The following ELAVL2 variants were observed in gnomAD, a reference collection of about 807,000 sequenced individuals.
ELAVL2 encodes the protein ELAV-like protein 2.
ELAVL2 carries 4 observed loss-of-function variants against 34.6 expected under a neutral mutation model. The observed-to-expected ratio is 0.12, with a 90% CI of 0.06 to 0.26. The LOEUF is 0.26. Ranked by LOEUF, ELAVL2 falls within the 10% of genes least tolerant of loss-of-function variation. ELAVL2 has a pLI of 1.00. For synonymous variants in ELAVL2, 193 were observed against 154.8 expected (o/e 1.25, Z -1.83); for missense variants, 432 against 442.8 (o/e 0.98, Z 0.22).
chr9:23,693,709 G>C (rs116783010), intron 5 of ELAVL2, among the ~76,000 whole-genome samples: 1 of 152,170 alleles, frequency 6.6e-6, no homozygotes, highest in Non-Finnish European at 1.5e-5. Context: ...CAGTACATGG[G>C]ACACAGTGAC....
intron 2 of ELAVL2, among the ~76,000 whole-genome samples, chr9:23,740,348 C>T (rs117864221): frequency 6.6e-6 from 1 of 152,272 alleles, no homozygotes; most frequent in Non-Finnish European, 1.5e-5. Flanking sequence ...GTTGGAGGTT[C>T]AAAGATGCTA....
chr9:23,766,675 A>G (rs1342967570), intron 1 of ELAVL2, among the ~76,000 whole-genome samples: 6 of 152,142 alleles, frequency 3.9e-5, no homozygotes, highest in Non-Finnish European at 2.9e-5. Context: ...CAAGCACCCC[A>G]GACAGTCTTC....
the ELAVL2 span, among the ~76,000 whole-genome samples, chr9:23,845,792 A>T: frequency 6.6e-6 from 1 of 150,636 alleles, no homozygotes; most frequent in Non-Finnish European, 1.5e-5. Flanking sequence ...CTCTGCATTT[A>T]AAAAAAAAGT....
At chr9:23,695,910 T>C (rs770262808) in intron 5 of ELAVL2, among the ~76,000 whole-genome samples, 1 of 152,154 alleles carries the variant, frequency 6.6e-6, no homozygotes, top group Non-Finnish European at 1.5e-5. Flanking sequence ...TCGTTTTCCA[T>C]CCTCCATCTC....
chr9:23,810,464 C>T (rs898814768), intron 1 of ELAVL2, among the ~76,000 whole-genome samples: 2 of 152,166 alleles, frequency 1.3e-5, no homozygotes, highest in African/African-American at 4.8e-5. Context: ...GGGAACCAAA[C>T]AGCCTCTAAA....
chr9:23,800,133 G>A (rs1449965957), intron 1 of ELAVL2, among the ~76,000 whole-genome samples: 1 of 152,148 alleles, frequency 6.6e-6, no homozygotes, highest in African/African-American at 2.4e-5. Context: ...AATGAGAAAA[G>A]AAAGTAGCTA....
the ELAVL2 span, among the ~76,000 whole-genome samples, chr9:23,846,992 T>C: frequency 6.6e-6 from 1 of 152,084 alleles, no homozygotes; most frequent in African/African-American, 2.4e-5. Context: ...AGGTACTCAG[T>C]TTCTAGGTGA....
intron 3 of ELAVL2, among the ~76,000 whole-genome samples, chr9:23,711,991 C>A (rs2041089199): frequency 6.6e-6 from 1 of 152,100 alleles, no homozygotes; most frequent in Non-Finnish European, 1.5e-5. Flanking sequence ...TTAATCATTT[C>A]AAAAATGAAA....
At chr9:23,759,754 TTATATATATATATATATATATATATATA>T (rs774471922) in intron 2 of ELAVL2, among the ~76,000 whole-genome samples, 1 of 81,344 alleles carries the variant, frequency 1.2e-5, no homozygotes, top group African/African-American at 4.3e-5. Context: ...ATATATAGTA[TTATATATATATATATATATATATATATA>T]TATATATAAT....
intron 1 of ELAVL2, among the ~76,000 whole-genome samples, chr9:23,772,948 T>TCC (rs2057561277): frequency 1.3e-5 from 2 of 151,994 alleles, no homozygotes; most frequent in African/African-American, 2.4e-5. Context: ...TGCCTCTTGC[T>TCC]CCCCCAAAGA....
chr9:23,819,236 C>G (rs1371644359), intron 1 of ELAVL2, among the ~76,000 whole-genome samples: 1 of 152,188 alleles, frequency 6.6e-6, no homozygotes, highest in Non-Finnish European at 1.5e-5. Flanking sequence ...CAGCATCATT[C>G]TCCCTTAACC....
chr9:23,729,493 G>A (rs10966050), intron 3 of ELAVL2, among the ~76,000 whole-genome samples: 1,603 of 152,206 alleles, frequency 0.011, 24 homozygotes, highest in African/African-American at 0.036. Flanking sequence ...AGTATGCAGA[G>A]AAATATAGAT....
intron 5 of ELAVL2, among the ~76,000 whole-genome samples, chr9:23,696,763 C>A (rs974584751): frequency 6.6e-6 from 1 of 152,130 alleles, no homozygotes; most frequent in Non-Finnish European, 1.5e-5. Flanking sequence ...AGCCACCACG[C>A]CCAGCCATCT....
chr9:23,707,332 A>G (rs1251182114), intron 3 of ELAVL2, among the ~76,000 whole-genome samples: 1 of 152,226 alleles, frequency 6.6e-6, no homozygotes, highest in African/African-American at 2.4e-5. Flanking sequence ...ATTATCCAGA[A>G]AAGGTGAAAC....
intron 1 of ELAVL2, among the ~76,000 whole-genome samples, chr9:23,771,572 A>G (rs898465877): frequency 5.3e-5 from 8 of 152,170 alleles, no homozygotes; most frequent in Non-Finnish European, 1.2e-4. Context: ...CCAGCTTCTT[A>G]AAGAATCAAC....
At position 23,822,084 on chromosome 9, in the gene ELAVL2, A is replaced by T. The variant is rs1440251027; in HGVS notation, c.-16+3722T>A. Among the ~76,000 whole-genome samples, 3 of 152,086 alleles carry T rather than the reference A, an allele frequency of 2.0e-5. No homozygotes were observed. In the East Asian group the frequency reaches 5.8e-4, roughly 30 times the overall value. Reference sequence around the variant, plus strand: ...TCGGTGGAGAGCGTTGAGCGCCCAGAGGAGGCTGATTCCAGGTGCAAGTTT... The same window carrying T: ...TCGGTGGAGAGCGTTGAGCGCCCAGTGGAGGCTGATTCCAGGTGCAAGTTT... On this transcript the variant is annotated intron_variant, in intron 1 of 6. Coordinates refer to ENST00000397312, the MANE Select transcript of ELAVL2 (RefSeq NM_004432.5).
intron 5 of ELAVL2, among the ~76,000 whole-genome samples, chr9:23,700,435 G>C (rs2036781393): frequency 1.3e-5 from 2 of 152,148 alleles, no homozygotes; most frequent in South Asian, 4.1e-4. Context: ...CCCAGGATCA[G>C]AATAAAACTT....
chr9:23,795,522 G>A (rs1046397322), intron 1 of ELAVL2, among the ~76,000 whole-genome samples: 6 of 152,100 alleles, frequency 3.9e-5, no homozygotes, highest in African/African-American at 7.2e-5. Flanking sequence ...CAGCCTGAGC[G>A]AGACAGAGCA....
intron 2 of ELAVL2, among the ~76,000 whole-genome samples, chr9:23,740,845 C>T (rs1045328348): frequency 6.6e-6 from 1 of 152,210 alleles, no homozygotes; most frequent in African/African-American, 2.4e-5. Flanking sequence ...TAAAGCCAAA[C>T]ATGTTTGCTA....
Sources: gnomAD v4.1 joint callset for allele counts (sites outside exome capture counted in the v4.1 genomes callset) on GRCh38, gnomAD v4.1.1 for gene constraint, MANE v1.5 for transcripts, NCBI Gene and HGNC (gene_info 2026-07-23, HGNC 2026-07-21) for gene names.